LDB2: variants seen among roughly 807,000 people sequenced by gnomAD.
LDB2 encodes LIM domain binding 2, also known as LIM domain-binding protein 2.
Under a neutral mutation model 44.3 loss-of-function variants are expected in LDB2, and 12 were observed. The observed-to-expected ratio is 0.27, with a 90% confidence interval of 0.17 to 0.44. The LOEUF (loss-of-function observed/expected upper bound fraction) is 0.44. Ranked by LOEUF, LDB2 falls within the 20% of genes least tolerant of loss-of-function variation. LDB2 has a pLI of 1.00. For missense variants in LDB2, 344 were observed against 473.5 expected, an observed-to-expected ratio of 0.73 and a Z score of 2.54; for synonymous variants, 164 against 174.8, an observed-to-expected ratio of 0.94 and a Z score of 0.49.
chr4:16,717,729 T>G (rs1385177477), intron 2 of LDB2, among the ~76,000 whole-genome samples: 4 of 152,276 alleles, frequency 2.6e-5, no homozygotes, highest in East Asian at 3.9e-4. Flanking sequence ...CTGGACTGAT[T>G]GTATCGCTTG....
At chr4:16,618,513 ATG>A (rs1179850149) in intron 2 of LDB2, among the ~76,000 whole-genome samples, 1 of 152,280 alleles carries the variant, frequency 6.6e-6, no homozygotes, top group Admixed American at 6.5e-5. Context: ...GTGTTTGTGT[ATG>A]TGTGTATATA....
chr4:16,747,593 A>G (rs1764648296), intron 2 of LDB2, among the ~76,000 whole-genome samples: 1 of 152,244 alleles, frequency 6.6e-6, no homozygotes, highest in Admixed American at 6.5e-5. Flanking sequence ...AGATGCTAGT[A>G]CTTCTCATAT....
In LDB2 at chr4:16,595,865, C is replaced by T; in HGVS notation, c.246G>A (p.Arg82=). The T allele has an allele frequency of 6.2e-7, 1 of 1,613,002 alleles. No individual in the cohort carries two copies. Among genetic ancestry groups the T allele is most frequent in the Non-Finnish European group, 8.5e-7 (1 of 1,179,470 alleles). ...EDGPKRYTIG[R]TLIPRYFSTV... ...TGCTAAAGTAACGGGGGATGAGGGT[C>T]CTGCCGATAGCTGGGAGAGAAACAC... is the stretch of plus-strand genomic sequence containing the variant. Residue 82 remains arginine, a synonymous_variant, in exon 3 of 8, where the codon AGG becomes AGA. Coordinates refer to ENST00000304523, the MANE Select transcript of LDB2 (RefSeq NM_001290.5).
intron 2 of LDB2, among the ~76,000 whole-genome samples, chr4:16,753,556 T>C (rs1440277879): frequency 1.3e-5 from 2 of 152,186 alleles, no homozygotes; most frequent in African/African-American, 4.8e-5. Flanking sequence ...CTTCAGACTA[T>C]CTAATGAGCC....
intron 5 of LDB2, among the ~76,000 whole-genome samples, chr4:16,569,899 T>TA (rs1275034497): frequency 1.3e-5 from 2 of 152,170 alleles, no homozygotes; most frequent in Admixed American, 1.3e-4. Context: ...TACCCTCACA[T>TA]ACAGGGCTGT....
chr4:16,882,347 G>C (rs573942030), intron 1 of LDB2, among the ~76,000 whole-genome samples: 1 of 152,302 alleles, frequency 6.6e-6, no homozygotes, highest in East Asian at 1.9e-4. Flanking sequence ...TAAAATCAAA[G>C]CTGTAATAAA....
intron 1 of LDB2, among the ~76,000 whole-genome samples, chr4:16,783,787 A>C (rs1486447690): frequency 6.6e-6 from 1 of 152,232 alleles, no homozygotes; most frequent in Non-Finnish European, 1.5e-5. Flanking sequence ...GAGAGTTTGC[A>C]TTATTAAATA....
At chr4:16,674,903 T>C (rs946772491) in intron 2 of LDB2, among the ~76,000 whole-genome samples, 1 of 151,968 alleles carries the variant, frequency 6.6e-6, no homozygotes, top group Non-Finnish European at 1.5e-5. Context: ...TATTCAAAAC[T>C]ATTATACCAA....
chr4:16,745,329 C>T (rs1003994736), intron 2 of LDB2, among the ~76,000 whole-genome samples: 1 of 152,062 alleles, frequency 6.6e-6, no homozygotes, highest in Admixed American at 6.6e-5. Flanking sequence ...AGAGCCCAGG[C>T]GGGGAGACTG....
At position 16,765,877 on chromosome 4, in the gene LDB2, C is replaced by T. The variant is rs55793400; in HGVS notation, c.133-6617G>A. Among the ~76,000 whole-genome samples the T allele has an allele frequency of 3.7e-3, 558 of 152,294 alleles. 4 individuals carry two copies. The highest frequency in any genetic ancestry group is 0.012 in the African/African-American group (494 of 41,576). On this transcript the variant is annotated intron_variant, in intron 1 of 7. Transcript: ENST00000304523. ...AAATTATCTCACACCTACACTGCCA[C>T]GCTTTTGAGCCACCTTTGGAGTATT...
intron 2 of LDB2, among the ~76,000 whole-genome samples, chr4:16,623,817 A>G (rs547501527): frequency 2.6e-5 from 4 of 152,046 alleles, no homozygotes; most frequent in East Asian, 1.9e-4. Context: ...AGAGCTTAAC[A>G]GTCCCTTAAC....
intron 1 of LDB2, among the ~76,000 whole-genome samples, chr4:16,763,816 CT>C (rs1768545308): frequency 6.6e-6 from 1 of 151,962 alleles, no homozygotes; most frequent in Non-Finnish European, 1.5e-5. Context: ...TGATTTCTGC[CT>C]CTTAATAGCT....
intron 5 of LDB2, among the ~76,000 whole-genome samples, chr4:16,555,477 G>A (rs1314425632): frequency 6.6e-6 from 1 of 151,976 alleles, no homozygotes; most frequent in Non-Finnish European, 1.5e-5. Context: ...CAACAAACAT[G>A]TGCTTGCATG....
chr4:16,503,935 C>T (rs969644160), intron 7 of LDB2, among the ~76,000 whole-genome samples: 21 of 152,088 alleles, frequency 1.4e-4, no homozygotes, highest in African/African-American at 4.6e-4. Context: ...TCAAAGGGGA[C>T]CATATGGGGT....
At chr4:16,707,290 G>A (rs114917850) in intron 2 of LDB2, among the ~76,000 whole-genome samples, 177 of 151,956 alleles carry the variant, frequency 1.2e-3, no homozygotes, top group African/African-American at 4.1e-3. Context: ...TACACATTTT[G>A]GCAAATAACT....
chr4:16,732,736 T>C (rs1761017880), intron 2 of LDB2, among the ~76,000 whole-genome samples: 2 of 152,200 alleles, frequency 1.3e-5, no homozygotes, highest in African/African-American at 4.8e-5. Context: ...AACAAACATG[T>C]ACATCTGAAG....
intron 2 of LDB2, among the ~76,000 whole-genome samples, chr4:16,744,281 C>T (rs778528069): frequency 6.6e-6 from 1 of 151,732 alleles, no homozygotes; most frequent in African/African-American, 2.4e-5. Context: ...CTCAGCCTCC[C>T]GAGTAATTGG....
chr4:16,725,479 T>A (rs767014996), intron 2 of LDB2, among the ~76,000 whole-genome samples: 1 of 152,066 alleles, frequency 6.6e-6, no homozygotes, highest in Non-Finnish European at 1.5e-5. Context: ...GATCCCGCTA[T>A]CTCTAGTAAC....
rs796876836 is a variant in LDB2, at chr4:16,861,634, C to T, written c.132+36720G>A. On this transcript the variant is annotated intron_variant, in intron 1 of 7. Transcript: ENST00000304523. ...CTCCTTCTAATCACAGGGATTATCA[C>T]GCCAGTCCGTGCTTTCAAACTCTCA... is the stretch of plus-strand genomic sequence containing the variant. Among the ~76,000 whole-genome samples the T allele has an allele frequency of 8.5e-5, 13 of 152,320 alleles. No individual in the cohort carries two copies. The South Asian group carries it at 1.7e-3, about 19-fold the overall frequency.
Sources: gnomAD v4.1 joint callset for allele counts (sites outside exome capture counted in the v4.1 genomes callset) on GRCh38, gnomAD v4.1.1 for gene constraint, MANE v1.5 for transcripts, NCBI Gene and HGNC (gene_info 2026-07-23, HGNC 2026-07-21) for gene names.